THSD7B: variants seen among roughly 807,000 people sequenced by gnomAD.
THSD7B encodes thrombospondin type-1 domain-containing protein 7B.
Under a neutral mutation model 213.6 loss-of-function variants are expected in THSD7B, and 138 were observed. The ratio of observed to expected loss-of-function variants is 0.65; its 90% CI spans 0.56 to 0.74. THSD7B has a LOEUF of 0.74. Among genes scored for constraint, THSD7B ranks in the 30% least tolerant of loss-of-function variants. The pLI, the probability that THSD7B is intolerant of heterozygous loss-of-function variation, is 0.00. For missense variants in THSD7B, 1,931 were observed against 1,991.5 expected, an observed-to-expected ratio of 0.97 and a Z score of 0.58; for synonymous variants, 742 against 687.0, an observed-to-expected ratio of 1.08 and a Z score of -1.25.
chr2:137,186,697 C>G (rs1347564665), intron 7 of THSD7B, among the ~76,000 whole-genome samples: 2 of 152,038 alleles, frequency 1.3e-5, no homozygotes, highest in Non-Finnish European at 2.9e-5. Flanking sequence ...TATTAGGACT[C>G]TTTTTTGGTT....
chr2:136,939,799 ACTGT>A (rs1405202619), intron 2 of THSD7B, among the ~76,000 whole-genome samples: 8 of 152,276 alleles, frequency 5.3e-5, no homozygotes, highest in Middle Eastern at 3.4e-3. Context: ...GTCAGTGTGC[ACTGT>A]CTATCACTGG....
Position 136,979,508 on chromosome 2 carries a change from T to C in THSD7B, c.140-76912T>C, listed in dbSNP as rs114888605. 4.3e-3 allele frequency among the ~76,000 whole-genome samples: 656 copies of C among 152,324 alleles called. 6 individuals carry two copies. The highest frequency in any genetic ancestry group is 0.013 in the African/African-American group (522 of 41,582). On this transcript the variant is annotated intron_variant, in intron 2 of 27. Transcript: ENST00000409968. ...TTCATTTCTTTTTATTCTTTTTCTCTAATCTTGTCTGCCTGTCTTATTTCA... is the reference window on the plus strand; with the variant it reads ...TTCATTTCTTTTTATTCTTTTTCTCCAATCTTGTCTGCCTGTCTTATTTCA...
Position 137,182,425 on chromosome 2 carries a change from GATAGTGTATGAAGCTGCCT to G in THSD7B, c.1723+11539_1723+11557del, listed in dbSNP as rs60401145. ...TTTTTACAGAAATGTTCACAGCTGT[GATAGTGTATGAAGCTGCCT>G]ATAGTGTATGAAGCTGCCTATAGTG... On this transcript the variant is annotated intron_variant, in intron 7 of 27. Coordinates refer to ENST00000409968, the MANE Select transcript of THSD7B (RefSeq NM_001316349.2). 1.9e-3 allele frequency among the ~76,000 whole-genome samples: 284 copies of G among 150,692 alleles called. 3 individuals carry two copies. In the Middle Eastern group the frequency reaches 0.059, roughly 31 times the overall value.
chr2:136,777,066 G>A (rs1681623601), intron 1 of THSD7B, among the ~76,000 whole-genome samples: 1 of 152,124 alleles, frequency 6.6e-6, no homozygotes, highest in Non-Finnish European at 1.5e-5. Context: ...ATAATTACAA[G>A]GGGTAGAAGG....
chr2:137,547,708 A>G (rs1373878677), intron 15 of THSD7B, among the ~76,000 whole-genome samples: 1 of 151,908 alleles, frequency 6.6e-6, no homozygotes, highest in Non-Finnish European at 1.5e-5. Context: ...GACTTTCTAG[A>G]TAGAATAAAG....
At chr2:137,670,877 C>CAGTGA (rs1683553776) in intron 27 of THSD7B, among the ~76,000 whole-genome samples, 2 of 137,336 alleles carry the variant, frequency 1.5e-5, no homozygotes, top group Non-Finnish European at 3.0e-5. Flanking sequence ...GCCAAGATTG[C>CAGTGA]GCCACTGCAC....
rs527787795 is a variant in THSD7B at position 136,803,853 on chromosome 2, A to G, written c.-36+38166A>G. 1.5e-4 allele frequency among the ~76,000 whole-genome samples: 23 copies of G among 152,302 alleles called. No individual in the cohort carries two copies. In the South Asian group the frequency reaches 4.6e-3, roughly 30 times the overall value. On this transcript the variant is annotated intron_variant, in intron 1 of 27. Transcript: ENST00000409968. ...ACCAGGAGTGCCAGTGTGGGAGGGC[A>G]AGAGAAGATGGATGTCTCAGCTCAA... is the stretch of plus-strand genomic sequence containing the variant.
At chr2:136,978,687 G>A (rs919099380) in intron 2 of THSD7B, among the ~76,000 whole-genome samples, 2 of 152,118 alleles carry the variant, frequency 1.3e-5, no homozygotes, top group African/African-American at 4.8e-5. Flanking sequence ...GTCTTTGCAT[G>A]TGAGGTGGGT....
At chr2:136,807,508 C>CTTT (rs1314267493) in intron 1 of THSD7B, among the ~76,000 whole-genome samples, 2 of 49,578 alleles carry the variant, frequency 4.0e-5, no homozygotes, top group African/African-American at 1.7e-4. Context: ...CAAAATGTTT[C>CTTT]GTTTTTTTTT....
At chr2:137,652,055 ATC>A (rs1309125002) in intron 21 of THSD7B, among the ~76,000 whole-genome samples, 1 of 152,116 alleles carries the variant, frequency 6.6e-6, no homozygotes, top group Non-Finnish European at 1.5e-5. Flanking sequence ...TTCTATAAAT[ATC>A]TGTTAGACCT....
intron 2 of THSD7B, among the ~76,000 whole-genome samples, chr2:136,899,041 T>C (rs570082609): frequency 1.2e-4 from 19 of 152,198 alleles, no homozygotes; most frequent in African/African-American, 4.3e-4. Flanking sequence ...AAAAGGAAAA[T>C]AATATAGCAA....
chr2:137,084,516 A>G (rs1227696192), intron 3 of THSD7B, among the ~76,000 whole-genome samples: 1 of 152,188 alleles, frequency 6.6e-6, no homozygotes, highest in African/African-American at 2.4e-5. Flanking sequence ...ATAGGAAGAT[A>G]TTTCACTGTC....
intron 2 of THSD7B, among the ~76,000 whole-genome samples, chr2:136,882,663 T>C (rs1683645509): frequency 6.6e-6 from 1 of 152,234 alleles, no homozygotes; most frequent in African/African-American, 2.4e-5. Flanking sequence ...AAGAACGCTT[T>C]GGACCAGTTC....
chr2:137,087,380 T>A (rs988249319), intron 3 of THSD7B, among the ~76,000 whole-genome samples: 62 of 152,194 alleles, frequency 4.1e-4, no homozygotes, highest in African/African-American at 1.5e-3. Context: ...CCTGTCGCTA[T>A]TTGCCGATGA....
intron 3 of THSD7B, among the ~76,000 whole-genome samples, chr2:137,082,734 C>T (rs1224034807): frequency 6.6e-6 from 1 of 152,074 alleles, no homozygotes; most frequent in African/African-American, 2.4e-5. Flanking sequence ...GTTGTACACA[C>T]ATCCACAACT....
chr2:137,160,210 C>T lies in THSD7B; in HGVS notation c.1370-3C>T. On this transcript the variant is annotated splice_region_variant and splice_polypyrimidine_tract_variant and intron_variant, in intron 5 of 27. Transcript: ENST00000409968. Reference sequence around the variant, plus strand: ...CATGGTCCGTTATCTTTTTGTCCCTCAGTCTCTAGACCTGTGGAAAAGGCA... The same window carrying T: ...CATGGTCCGTTATCTTTTTGTCCCTTAGTCTCTAGACCTGTGGAAAAGGCA... The T allele has an allele frequency of 6.2e-7, 1 of 1,607,174 alleles. No individual in the cohort carries two copies. Among genetic ancestry groups the T allele is most frequent in the Non-Finnish European group, 8.5e-7 (1 of 1,177,302 alleles).
At chr2:137,261,425 A>G (rs1425235579) in intron 10 of THSD7B, among the ~76,000 whole-genome samples, 1 of 152,168 alleles carries the variant, frequency 6.6e-6, no homozygotes, top group African/African-American at 2.4e-5. Flanking sequence ...TAACTACTTG[A>G]TATTTCATTA....
At chr2:137,085,572 G>A (rs143411967) in intron 3 of THSD7B, among the ~76,000 whole-genome samples, 2 of 152,050 alleles carry the variant, frequency 1.3e-5, no homozygotes, top group African/African-American at 4.8e-5. Context: ...CTAATTTAGG[G>A]TAAATTACTT....
intron 5 of THSD7B, among the ~76,000 whole-genome samples, chr2:137,117,268 C>T (rs1482359278): frequency 6.6e-6 from 1 of 152,080 alleles, no homozygotes; most frequent in East Asian, 1.9e-4. Flanking sequence ...TATAGATGTA[C>T]CTTGACAAAT....
Sources: allele counts gnomAD v4.1 joint callset (sites outside exome capture counted in the v4.1 genomes callset), GRCh38; gene constraint gnomAD v4.1.1; transcripts MANE v1.5; gene names NCBI Gene and HGNC (gene_info 2026-07-23, HGNC 2026-07-21).